Variants in TET3 observed in about 807,000 individuals in gnomAD.
TET3 encodes methylcytosine dioxygenase TET3.
A neutral mutation model predicts 141.4 loss-of-function variants in TET3; 19 were observed. The ratio of observed to expected loss-of-function variants is 0.13; its 90% confidence interval spans 0.09 to 0.20. TET3 has a LOEUF of 0.20. Among genes scored for constraint, TET3 ranks in the 10% least tolerant of loss-of-function variants. The probability of loss-of-function intolerance (pLI) is 1.00; values close to 1 mark genes in which losing one functional copy is unlikely to be tolerated. For missense variants in TET3, 1,874 were observed against 2,356.9 expected (o/e 0.80, Z 4.24); for synonymous variants, 1,043 against 980.9 (o/e 1.06, Z -1.18).
downstream of TET3, among the ~76,000 whole-genome samples, chr2:74,108,751 G>T (rs1428642924): frequency 6.6e-6 from 1 of 152,210 alleles, no homozygotes; most frequent in Non-Finnish European, 1.5e-5. Flanking sequence ...TAGTGAATCT[G>T]CTTGCTCTTC....
intron 4 of TET3, among the ~76,000 whole-genome samples, chr2:74,062,208 TAGG>T (rs1357147490): frequency 6.6e-6 from 1 of 152,188 alleles, no homozygotes; most frequent in African/African-American, 2.4e-5. Context: ...CACTCGCGGT[TAGG>T]AGCTGGAGAC....
chr2:74,009,346 A>T (rs765392781), intron 3 of TET3, among the ~76,000 whole-genome samples: 1 of 152,160 alleles, frequency 6.6e-6, no homozygotes, highest in Non-Finnish European at 1.5e-5. Context: ...TCCATAGACC[A>T]ACTTTCTCTA....
Position 74,073,638 on chromosome 2 carries a change from C to T in TET3, c.2584C>T (p.Arg862Trp), listed in dbSNP as rs763470179. Residue 862 changes from arginine to tryptophan, a missense_variant and splice_region_variant, in exon 5 of 12, where the codon CGG becomes TGG. This residue lies in a region of TET3 where 126 missense variants were observed against 327.4 expected (regional missense o/e 0.38). Transcript: ENST00000409262. The part of the protein sequence containing the change: ...VASIRELMEE[R>W]YGEKGKAIRI... ...CTCTATCCGGGAACTCATGGAGGAGCGGTGAGTGATACACAGATGTCCAAG... is the reference window on the plus strand; with the variant it reads ...CTCTATCCGGGAACTCATGGAGGAGTGGTGAGTGATACACAGATGTCCAAG... 1 of 1,608,438 alleles carries T rather than the reference C, an allele frequency of 6.2e-7. No homozygotes were observed. The highest frequency in any genetic ancestry group is 8.5e-7 in the Non-Finnish European group (1 of 1,177,110).
chr2:74,033,363 T>C (rs544614743), intron 3 of TET3, among the ~76,000 whole-genome samples: 5 of 152,250 alleles, frequency 3.3e-5, no homozygotes, highest in Admixed American at 6.6e-5. Context: ...GGCAATATTT[T>C]GAATCCTATT....
At chr2:74,020,573 A>T (rs1167219256) in intron 3 of TET3, among the ~76,000 whole-genome samples, 1 of 152,000 alleles carries the variant, frequency 6.6e-6, no homozygotes, top group Non-Finnish European at 1.5e-5. Flanking sequence ...TTCACTCTGT[A>T]CCCTTGGCAG....
chr2:74,120,495 T>G, the TET3 span, among the ~76,000 whole-genome samples: 2 of 152,222 alleles, frequency 1.3e-5, no homozygotes, highest in Non-Finnish European at 2.9e-5. Flanking sequence ...TGGCCGGTTA[T>G]TCACACGTTC....
chr2:74,115,797 T>G, the TET3 span, among the ~76,000 whole-genome samples: 1 of 152,114 alleles, frequency 6.6e-6, no homozygotes, highest in Admixed American at 6.5e-5. Context: ...GCAGACTGCT[T>G]CAGCCCAGGA....
chr2:74,049,590 C>T (rs1687830300), intron 4 of TET3, among the ~76,000 whole-genome samples: 1 of 152,108 alleles, frequency 6.6e-6, no homozygotes, highest in South Asian at 2.1e-4. Flanking sequence ...TGGCGATGAG[C>T]ATATTGAATT....
upstream of TET3, among the ~76,000 whole-genome samples, chr2:73,984,864 G>T (rs1282934255): frequency 6.8e-6 from 1 of 147,646 alleles, no homozygotes; most frequent in Non-Finnish European, 1.5e-5. This position sits in a 1 kb window ranked among gnomAD's most constrained non-coding sequence, Gnocchi z 5.6. Context: ...CCTCCCGGGC[G>T]GGGGAGTCCC....
At chr2:74,068,323 G>A (rs1257725942) in intron 4 of TET3, among the ~76,000 whole-genome samples, 4 of 145,038 alleles carry the variant, frequency 2.8e-5, no homozygotes, top group African/African-American at 1.1e-4. Context: ...ACAAATGTAT[G>A]TGTGATTGTG....
chr2:74,099,578 G>A lies in TET3; in HGVS notation c.3570G>A (p.Glu1190=). ...KLSTPEKIKQ[E]ALELAGITSD... ...GCACTCCGGAGAAGATCAAGCAGGA[G>A]GCCCTGGAGCTGGCGGGCATTACGT... Residue 1190 remains glutamate, a synonymous_variant, in exon 11 of 12, where the codon GAG becomes GAA. Transcript: ENST00000409262. 1 of 1,600,010 alleles carries A rather than the reference G, an allele frequency of 6.2e-7. No homozygotes were observed. Among genetic ancestry groups the A allele is most frequent in the Non-Finnish European group, 8.5e-7 (1 of 1,172,046 alleles).
chr2:74,131,715 G>A, the TET3 span, among the ~76,000 whole-genome samples: 1 of 152,136 alleles, frequency 6.6e-6, no homozygotes, highest in East Asian at 1.9e-4. Context: ...ACGACACTGA[G>A]CTCAGAAGAC....
rs779503661 is a variant in TET3, at chr2:74,092,811, C to G, written c.3040-91C>G. ...ATAACACCTCCCTCCCAGCCTCCCC[C>G]ACGATGCTTCAGGAATGCCAGTCCA... On this transcript the variant is annotated intron_variant, in intron 8 of 11. Transcript: ENST00000409262. 23 of 1,128,810 alleles carry G rather than the reference C, an allele frequency of 2.0e-5. No homozygotes were observed. In the African/African-American group the frequency reaches 2.6e-4, roughly 13 times the overall value. 69.9% of individuals were successfully genotyped at this position (1,128,810 alleles called of 1,614,324 possible).
rs1690592867 is a variant in TET3, at chr2:74,092,953, C to G, written c.3091C>G (p.Leu1031Val). ...GGACCTGGCCACCGAAGTCGCTCCC[C>G]TGTACAAGCGACTGGCCCCTCAGGC... The part of the protein sequence containing the change: ...FQDLATEVAP[L>V]YKRLAPQAYQ... The change falls in exon 9 of 12, where the codon CTG (leucine) becomes GTG (valine). Residue 1031 changes from leucine (L) to valine (V), a missense_variant. Physicochemically the swap from Leu to Val is conservative, Grantham distance 32. Transcript: ENST00000409262. The G allele has an allele frequency of 6.3e-7, 1 of 1,585,886 alleles. No homozygotes were observed. Among genetic ancestry groups the G allele is most frequent in the Admixed American group, 1.8e-5 (1 of 56,114 alleles).
At chr2:74,035,448 A>G (rs1686997757) in intron 3 of TET3, among the ~76,000 whole-genome samples, 1 of 144,022 alleles carries the variant, frequency 6.9e-6, no homozygotes, top group Non-Finnish European at 1.5e-5. Context: ...TGGGCAACAG[A>G]GCAAGACTCC....
intron 4 of TET3, among the ~76,000 whole-genome samples, chr2:74,049,473 T>C (rs1281306515): frequency 1.3e-5 from 2 of 152,156 alleles, no homozygotes; most frequent in South Asian, 2.1e-4. Context: ...TGGGAAGTCC[T>C]GGAGGCAGTA....
intron 4 of TET3, among the ~76,000 whole-genome samples, chr2:74,055,595 G>C (rs1242519340): frequency 6.6e-6 from 1 of 152,166 alleles, no homozygotes; most frequent in Non-Finnish European, 1.5e-5. Context: ...GCTCTTCAGC[G>C]TTAAGTCCAC....
intron 2 of TET3, among the ~76,000 whole-genome samples, chr2:74,000,293 C>T (rs191151340): frequency 1.3e-5 from 2 of 152,326 alleles, no homozygotes; most frequent in Admixed American, 1.3e-4. Context: ...TGGCTCAGCA[C>T]ATTCCAGCTC....
chr2:73,995,092 T>G (rs1009097515), intron 2 of TET3, among the ~76,000 whole-genome samples: 4 of 152,186 alleles, frequency 2.6e-5, no homozygotes, highest in African/African-American at 9.7e-5. Context: ...CCCAGGTAGC[T>G]GGGACTGCAG....
Sources: gnomAD v4.1 joint callset for allele counts (sites outside exome capture counted in the v4.1 genomes callset) on GRCh38, gnomAD v4.1.1 for gene constraint, gnomAD v4.1.1 regional missense constraint, Gnocchi (gnomAD v3.1) non-coding constraint, MANE v1.5 for transcripts, NCBI Gene and HGNC (gene_info 2026-07-23, HGNC 2026-07-21) for gene names.